SMARCA2: variants seen among roughly 807,000 people sequenced by gnomAD.
SMARCA2 encodes the protein SWI/SNF-related matrix-associated actin-dependent regulator of chromatin subfamily A member 2.
SMARCA2 carries 61 observed loss-of-function variants against 199.8 expected under a neutral mutation model. The observed-to-expected ratio is 0.31, with a 90% confidence interval of 0.25 to 0.38. The LOEUF is 0.38. Among genes scored for constraint, SMARCA2 ranks in the 10% least tolerant of loss-of-function variants. The probability of loss-of-function intolerance (pLI) is 1.00; values close to 1 mark genes in which losing one functional copy is unlikely to be tolerated. For missense variants in SMARCA2, 1,344 were observed against 2,012.2 expected (o/e 0.67, Z 6.35); for synonymous variants, 935 against 732.0 (o/e 1.28, Z -4.48).
At chr9:2,140,459 G>C (rs1044928846) in intron 27 of SMARCA2, among the ~76,000 whole-genome samples, 1 of 152,138 alleles carries the variant, frequency 6.6e-6, no homozygotes, top group Admixed American at 6.5e-5. Context: ...GGGTTCACTG[G>C]TATATATTTT....
intron 14 of SMARCA2, among the ~76,000 whole-genome samples, chr9:2,078,851 G>A (rs565422103): frequency 1.6e-4 from 25 of 151,812 alleles, no homozygotes; most frequent in African/African-American, 5.3e-4. Flanking sequence ...AAGCTGAGGC[G>A]GGAGAATGGC....
Position 2,170,973 on chromosome 9 carries a change from C to G in SMARCA2, c.4253+501C>G, listed in dbSNP as rs1202186293. Among the ~76,000 whole-genome samples the G allele has an allele frequency of 6.6e-6, 1 of 152,186 alleles. No homozygotes were observed. Among genetic ancestry groups the G allele is most frequent in the African/African-American group, 2.4e-5 (1 of 41,438 alleles). ...GCAGAGGGCAATTGCTGAGTTGTCT[C>G]TTGTTTGTGTGATGGGTTGGGTTTC... On this transcript the variant is annotated intron_variant, in intron 29 of 33. Coordinates refer to ENST00000349721, the MANE Select transcript of SMARCA2 (RefSeq NM_003070.5). This position sits in a 1 kb window ranked among gnomAD's most constrained non-coding sequence, Gnocchi z 4.7.
chr9:2,182,042 G>A lies in SMARCA2; in HGVS notation c.4360-99G>A, dbSNP rs1024875643. 29 of 846,642 alleles carry A rather than the reference G, an allele frequency of 3.4e-5. No homozygotes were observed. In the East Asian group the frequency reaches 5.1e-4, roughly 15 times the overall value. 52.4% of individuals were successfully genotyped at this position (846,642 alleles called of 1,614,324 possible). Reference sequence around the variant, plus strand: ...CAGATCCCTGGCAGGGCTTTATGCTGTGAAGACAAAGGGAAAATCAGGCTT... The same window carrying A: ...CAGATCCCTGGCAGGGCTTTATGCTATGAAGACAAAGGGAAAATCAGGCTT... On this transcript the variant is annotated intron_variant, in intron 30 of 33. Transcript: ENST00000349721.
intron 24 of SMARCA2, among the ~76,000 whole-genome samples, chr9:2,112,320 G>C (rs1823041351): frequency 6.6e-6 from 1 of 152,118 alleles, no homozygotes; most frequent in Non-Finnish European, 1.5e-5. Flanking sequence ...CTTGTATTCT[G>C]TCTTCGGAGG....
chr9:2,074,754 C>G (rs1821250031), intron 12 of SMARCA2, among the ~76,000 whole-genome samples: 1 of 152,190 alleles, frequency 6.6e-6, no homozygotes, highest in Non-Finnish European at 1.5e-5. Flanking sequence ...GCAGTTCCAG[C>G]TACTCGGGAG....
At chr9:2,023,826 A>G in intron 1 of SMARCA2, among the ~76,000 whole-genome samples, 1 of 152,348 alleles carries the variant, frequency 6.6e-6, no homozygotes, top group South Asian at 2.1e-4. Context: ...AGAAAGCCAC[A>G]TACAAAACAA....
intron 12 of SMARCA2, 24 bp downstream of exon 12, chr9:2,073,647 G>A (rs1157588006): frequency 2.6e-6 from 4 of 1,560,114 alleles, no homozygotes; most frequent in Non-Finnish European, 3.5e-6. Context: ...TCTGTTTGGG[G>A]TTTATTGGTT....
rs1820371053 is a variant in SMARCA2, at chr9:2,056,721, C to T, written c.1223C>T (p.Thr408Met). Reference protein sequence around the residue: ...ACMRRDTTLETALNSKAYKRS... With the variant: ...ACMRRDTTLEMALNSKAYKRS... ...ATGCGCAGGGACACGACCCTGGAGACGGCTCTCAACTCCAAAGCATACAAA... is the reference window on the plus strand; with the variant it reads ...ATGCGCAGGGACACGACCCTGGAGATGGCTCTCAACTCCAAAGCATACAAA... The change falls in exon 7 of 34, where the codon ACG becomes ATG. Residue 408 changes from threonine to methionine, a missense_variant. Thr to Met is a moderately conservative substitution (Grantham distance 81). Around this residue, in one of 18 missense-constraint regions of SMARCA2, gnomAD observed 155 missense variants for 260.0 expected, o/e 0.60. Transcript: ENST00000349721. This position sits in a 1 kb window ranked among gnomAD's most constrained non-coding sequence, Gnocchi z 4.0. 7 of 1,614,056 alleles carry T rather than the reference C, an allele frequency of 4.3e-6. No homozygotes were observed. The highest frequency in any genetic ancestry group is 1.3e-5 in the African/African-American group (1 of 74,918).
intron 27 of SMARCA2, among the ~76,000 whole-genome samples, chr9:2,130,245 G>A (rs1241017795): frequency 1.3e-5 from 2 of 152,202 alleles, no homozygotes; most frequent in East Asian, 1.9e-4. Flanking sequence ...CATGGAAGAA[G>A]GCTCTCCTCC....
intron 4 of SMARCA2, chr9:2,044,954 A>G (rs1819774297): frequency 6.6e-6 from 1 of 152,230 alleles, no homozygotes; most frequent in African/African-American, 2.4e-5. Flanking sequence ...ATTCTGGACC[A>G]GAGATGAAAG....
intron 28 of SMARCA2, among the ~76,000 whole-genome samples, chr9:2,168,429 T>G (rs1474512002): frequency 6.6e-6 from 1 of 152,232 alleles, no homozygotes; most frequent in African/African-American, 2.4e-5. Flanking sequence ...AGCATTTTTC[T>G]CATTTTGAGT....
chr9:2,107,321 A>ATTTT (rs1822798435), intron 23 of SMARCA2, among the ~76,000 whole-genome samples: 5 of 151,978 alleles, frequency 3.3e-5, no homozygotes, highest in Admixed American at 6.6e-5. Context: ...CAGTTTATTT[A>ATTTT]ATTTAATTTT....
intron 28 of SMARCA2, among the ~76,000 whole-genome samples, chr9:2,168,611 C>T (rs1826063529): frequency 6.6e-6 from 1 of 152,216 alleles, no homozygotes; most frequent in Admixed American, 6.5e-5. Context: ...TGATTATCAT[C>T]TCAAGGCTTC....
At chr9:2,053,131 C>T (rs909597491) in intron 5 of SMARCA2, among the ~76,000 whole-genome samples, 5 of 152,114 alleles carry the variant, frequency 3.3e-5, no homozygotes, top group African/African-American at 9.7e-5. Context: ...CTCCCTCCCT[C>T]CCCCGTCTAG....
intron 27 of SMARCA2, among the ~76,000 whole-genome samples, chr9:2,155,149 T>C (rs1411171802): frequency 6.6e-6 from 1 of 152,232 alleles, no homozygotes; most frequent in Non-Finnish European, 1.5e-5. Flanking sequence ...GCCAGACGTT[T>C]TGTGGGCCAA....
rs201306504 is a variant in SMARCA2 at position 2,086,975 on chromosome 9, C to T, written c.2673C>T (p.Leu891=). The T allele has an allele frequency of 1.2e-4, 196 of 1,614,106 alleles. No homozygotes were observed. The highest frequency in any genetic ancestry group is 1.5e-4 in the Non-Finnish European group (182 of 1,180,038). ...CGCTGCAGAATAAGCTCCCTGAACT[C>T]TGGGCCCTCCTCAACTTCCTCCTCC... is the stretch of plus-strand genomic sequence containing the variant. ...GTPLQNKLPE[L]WALLNFLLPT... is the part of the protein sequence containing the mutation. Residue 891 remains leucine, a synonymous_variant, in exon 18 of 34, where the codon CTC becomes CTT. Transcript: ENST00000349721. The surrounding 1 kb of genome is among the most constrained non-coding windows in gnomAD (Gnocchi z 4.3).
At chr9:2,069,084 T>C (rs189804077) in intron 9 of SMARCA2, 1 of 151,342 alleles carries the variant, frequency 6.6e-6, no homozygotes, top group Non-Finnish European at 1.5e-5. Context: ...ACCCGGCTAA[T>C]TTTTTGTGTT....
At chr9:2,083,461 A>G in intron 16 of SMARCA2, 48 bp downstream of exon 16, 1 of 1,221,186 alleles carries the variant, frequency 8.2e-7, no homozygotes, top group Non-Finnish European at 1.2e-6. Flanking sequence ...CAAAAAATAG[A>G]CCCTATTTTC....
Position 2,058,422 on chromosome 9 carries a change from G to T in SMARCA2, c.1479G>T (p.Lys493Asn). The change falls in exon 8 of 34, where the codon AAG becomes AAT. Residue 493 changes from lysine (K) to asparagine (N), a missense_variant. Physicochemically the swap from Lys to Asn is moderately conservative, Grantham distance 94 (BLOSUM62 0). Around this residue, in one of 18 missense-constraint regions of SMARCA2, gnomAD observed 155 missense variants for 260.0 expected, o/e 0.60. Transcript: ENST00000349721. Reference protein sequence around the residue: ...WHANTEREQKKETERIEKERM... With the variant: ...WHANTEREQKNETERIEKERM... ...CCAACACTGAAAGAGAGCAGAAGAA[G>T]GAGACAGAGCGGATTGAAAAGGAGA... 6.2e-7 allele frequency: 1 copy of T among 1,614,202 alleles called. No homozygotes were observed. Among genetic ancestry groups the T allele is most frequent in the South Asian group, 1.1e-5 (1 of 91,088 alleles).
Sources: gnomAD v4.1 joint callset for allele counts (sites outside exome capture counted in the v4.1 genomes callset) on GRCh38, gnomAD v4.1.1 for gene constraint, gnomAD v4.1.1 regional missense constraint, Gnocchi (gnomAD v3.1) non-coding constraint, MANE v1.5 for transcripts, NCBI Gene and HGNC (gene_info 2026-07-23, HGNC 2026-07-21) for gene names.